The following CCDC171 variants were observed in gnomAD, a reference collection of about 807,000 sequenced individuals.
CCDC171 encodes coiled-coil domain containing 171.
Under a neutral mutation model 168.2 loss-of-function variants are expected in CCDC171, and 177 were observed. The ratio of observed to expected loss-of-function variants is 1.05; its 90% confidence interval spans 0.93 to 1.19. CCDC171 has a LOEUF of 1.19. Among genes scored for constraint, CCDC171 ranks in the 50% most tolerant of loss-of-function variants. The pLI is 0.00. For missense variants in CCDC171, 1,991 were observed against 1,539.0 expected, an observed-to-expected ratio of 1.29 and a Z score of -4.91; for synonymous variants, 687 against 540.8, an observed-to-expected ratio of 1.27 and a Z score of -3.75.
chr9:16,103,010 C>A, the CCDC171 span, among the ~76,000 whole-genome samples: 6 of 152,222 alleles, frequency 3.9e-5, no homozygotes, highest in African/African-American at 1.4e-4. Context: ...AAACCTCAGC[C>A]GCACAGGTAA....
intron 7 of CCDC171, among the ~76,000 whole-genome samples, chr9:15,638,118 C>A (rs939402868): frequency 3.3e-5 from 5 of 151,972 alleles, no homozygotes; most frequent in Admixed American, 6.6e-5. Flanking sequence ...AATACCAGGT[C>A]TCTGCTTTTG....
intron 11 of CCDC171, among the ~76,000 whole-genome samples, chr9:15,707,567 T>C (rs1413816016): frequency 6.6e-6 from 1 of 152,228 alleles, no homozygotes; most frequent in African/African-American, 2.4e-5. Context: ...TTCTGCCTTC[T>C]TTTTATTTAT....
intron 24 of CCDC171, among the ~76,000 whole-genome samples, chr9:15,899,932 C>CTCGAGA (rs552559675): frequency 1.1e-3 from 166 of 152,088 alleles, no homozygotes; most frequent in African/African-American, 3.9e-3. Flanking sequence ...CTTTACCAAG[C>CTCGAGA]TCGAGATCCC....
chr9:15,616,126 A>C (rs891816953), intron 6 of CCDC171, among the ~76,000 whole-genome samples: 4 of 151,942 alleles, frequency 2.6e-5, no homozygotes, highest in African/African-American at 9.7e-5. Flanking sequence ...AATTTTTTGT[A>C]CTTTTAGTAG....
chr9:15,703,489 T>C (rs868449842), intron 11 of CCDC171, among the ~76,000 whole-genome samples: 22 of 152,230 alleles, frequency 1.4e-4, no homozygotes, highest in African/African-American at 5.3e-4. Context: ...TTAGCTCTCA[T>C]GTATGAGTGA....
chr9:16,078,104 A>G, the CCDC171 span, among the ~76,000 whole-genome samples: 1 of 150,440 alleles, frequency 6.6e-6, no homozygotes, highest in Non-Finnish European at 1.5e-5. Context: ...ACACACTCAC[A>G]AAGGTGAGGG....
At chr9:15,866,989 G>A (rs2061816153) in intron 23 of CCDC171, among the ~76,000 whole-genome samples, 1 of 151,982 alleles carries the variant, frequency 6.6e-6, no homozygotes, top group Admixed American at 6.6e-5. Context: ...ATGGTCACCT[G>A]CTTTGTTTAT....
intron 24 of CCDC171, among the ~76,000 whole-genome samples, chr9:15,881,960 G>T (rs1338005361): frequency 6.6e-6 from 1 of 152,174 alleles, no homozygotes; most frequent in African/African-American, 2.4e-5. Context: ...CACATACCCA[G>T]TAGTGGAGTT....
At chr9:15,766,834 T>C (rs1237234783) in intron 18 of CCDC171, among the ~76,000 whole-genome samples, 4 of 152,088 alleles carry the variant, frequency 2.6e-5, no homozygotes, top group Non-Finnish European at 5.9e-5. Flanking sequence ...TTCTAAGGTT[T>C]GTTTTTTGTA....
At chr9:15,849,693 C>T (rs998262161) in intron 23 of CCDC171, among the ~76,000 whole-genome samples, 2 of 151,588 alleles carry the variant, frequency 1.3e-5, no homozygotes, top group Admixed American at 1.3e-4. Context: ...ATTAGAAATG[C>T]AAACATTAAG....
intron 23 of CCDC171, among the ~76,000 whole-genome samples, chr9:15,852,309 T>C (rs907682139): frequency 4.0e-5 from 6 of 151,848 alleles, no homozygotes; most frequent in African/African-American, 1.4e-4. Flanking sequence ...ATGGTTTTGA[T>C]TTGTATTTTC....
At chr9:15,692,904 A>G (rs1172384063) in intron 10 of CCDC171, among the ~76,000 whole-genome samples, 3 of 151,738 alleles carry the variant, frequency 2.0e-5, no homozygotes, top group Non-Finnish European at 2.9e-5. Context: ...TGGGAGGCCG[A>G]GACGGGTGGA....
intron 11 of CCDC171, among the ~76,000 whole-genome samples, chr9:15,717,858 T>C (rs1398047231): frequency 6.6e-6 from 1 of 152,142 alleles, no homozygotes; most frequent in African/African-American, 2.4e-5. Flanking sequence ...CACGGACCTT[T>C]GGTGAGAATC....
chr9:15,980,332 C>T (rs1372838470), intron 3 of CCDC171, among the ~76,000 whole-genome samples: 1 of 152,134 alleles, frequency 6.6e-6, no homozygotes, highest in Admixed American at 6.5e-5. Context: ...CTTTAAAGGT[C>T]CTAGAACTAA....
chr9:15,871,765 T>A (rs1210586060), intron 23 of CCDC171, among the ~76,000 whole-genome samples: 1 of 151,956 alleles, frequency 6.6e-6, no homozygotes, highest in Non-Finnish European at 1.5e-5. Context: ...CCTTCTGCAT[T>A]CTTTCTGAAG....
chr9:15,834,928 G>A (rs1347457196), intron 21 of CCDC171, among the ~76,000 whole-genome samples: 1 of 152,176 alleles, frequency 6.6e-6, no homozygotes, highest in Non-Finnish European at 1.5e-5. Context: ...AATCATTTCT[G>A]TGATGGAAAT....
intron 10 of CCDC171, among the ~76,000 whole-genome samples, chr9:15,692,067 A>G (rs140996777): frequency 3.9e-5 from 6 of 152,306 alleles, no homozygotes; most frequent in East Asian, 3.9e-4. Flanking sequence ...ACTTGCATGT[A>G]TATCTGCTAT....
the CCDC171 span, among the ~76,000 whole-genome samples, chr9:16,087,712 G>T: frequency 6.6e-6 from 1 of 151,950 alleles, no homozygotes; most frequent in African/African-American, 2.4e-5. Context: ...TTGCCAGTCT[G>T]TGTCTTCTAA....
chr9:15,604,253 A>G (rs370916023), intron 6 of CCDC171, among the ~76,000 whole-genome samples: 47 of 152,060 alleles, frequency 3.1e-4, no homozygotes, highest in African/African-American at 1.1e-3. Context: ...TTAAGTTTTT[A>G]ATTAGATCCC....
Sources: gnomAD v4.1 joint callset for allele counts (sites outside exome capture counted in the v4.1 genomes callset) on GRCh38, gnomAD v4.1.1 for gene constraint, MANE v1.5 for transcripts, NCBI Gene and HGNC (gene_info 2026-07-23, HGNC 2026-07-21) for gene names.